Variants in EXOC2 observed in about 807,000 individuals in gnomAD.
The protein encoded by EXOC2 is exocyst complex component 2.
EXOC2 carries 70 observed loss-of-function variants against 131.8 expected under a neutral mutation model. The ratio of observed to expected loss-of-function variants is 0.53; its 90% CI spans 0.44 to 0.65. EXOC2 has a LOEUF of 0.65. Ranked by LOEUF, EXOC2 falls within the 30% of genes least tolerant of loss-of-function variation. The pLI is 0.00. For missense variants in EXOC2, 923 were observed against 1,108.6 expected (o/e 0.83, Z 2.38); for synonymous variants, 411 against 398.4 (o/e 1.03, Z -0.38).
intron 13 of EXOC2, among the ~76,000 whole-genome samples, chr6:569,761 TATAAAC>T (rs1758166086): frequency 6.6e-6 from 1 of 152,228 alleles, no homozygotes; most frequent in South Asian, 2.1e-4. Context: ...CTTTTAAGTT[TATAAAC>T]ATAGACAGGT....
In EXOC2 at chr6:535,857, G is replaced by A. The variant is rs184387386; in HGVS notation, c.2239-3247C>T. Among the ~76,000 whole-genome samples the A allele has an allele frequency of 5.3e-5, 8 of 152,148 alleles. No homozygotes were observed. The East Asian group carries it at 5.8e-4, about 11-fold the overall frequency. On this transcript the variant is annotated intron_variant, in intron 22 of 27. Transcript: ENST00000230449. ...AGATATTGTAAGAAAAAAATCACAC[G>A]CCAATAGCCTTCATGAACAAAGACA...
chr6:578,462 C>G (rs1758706585), intron 11 of EXOC2, among the ~76,000 whole-genome samples: 1 of 152,074 alleles, frequency 6.6e-6, no homozygotes, highest in Non-Finnish European at 1.5e-5. Context: ...AAACGCTAAG[C>G]AGAGGAGGTA....
chr6:651,333 G>A (rs1409460461), intron 1 of EXOC2, among the ~76,000 whole-genome samples: 4 of 151,864 alleles, frequency 2.6e-5, no homozygotes, highest in Admixed American at 1.3e-4. Flanking sequence ...GCGCCCGGCC[G>A]TGTTCTCCAT....
chr6:652,879 CATCAAGCAAGCCT>C (rs1213656576), intron 1 of EXOC2, among the ~76,000 whole-genome samples: 1 of 152,198 alleles, frequency 6.6e-6, no homozygotes, highest in African/African-American at 2.4e-5. Flanking sequence ...GACAACCCTG[CATCAAGCAAGCCT>C]ATCAGTGCCA....
At chr6:512,857 T>C (rs2127507233) in intron 23 of EXOC2, among the ~76,000 whole-genome samples, 1 of 152,274 alleles carries the variant, frequency 6.6e-6, no homozygotes, top group South Asian at 2.1e-4. Context: ...ACACGGTTGG[T>C]GTGAAGATAA....
At chr6:526,628 T>C (rs1166142435) in intron 23 of EXOC2, among the ~76,000 whole-genome samples, 1 of 151,678 alleles carries the variant, frequency 6.6e-6, no homozygotes, top group Non-Finnish European at 1.5e-5. Context: ...TTAGTAGAGA[T>C]GGGGTTTCTC....
chr6:600,170 T>C (rs955486050), intron 7 of EXOC2, among the ~76,000 whole-genome samples: 3 of 152,244 alleles, frequency 2.0e-5, no homozygotes, highest in African/African-American at 4.8e-5. Context: ...CTGATCCTGT[T>C]AAAAGTCATC....
At chr6:633,925 C>G (rs1761977777) in intron 2 of EXOC2, among the ~76,000 whole-genome samples, 1 of 152,176 alleles carries the variant, frequency 6.6e-6, no homozygotes, top group Admixed American at 6.5e-5. Context: ...GGGGGAATAC[C>G]AGCATGGCAC....
Position 506,580 on chromosome 6 carries a change from C to T in EXOC2, c.2381-6880G>A, listed in dbSNP as rs1442489942. ...ATGAGAAACAGTTTCTAAGCATTTA[C>T]AACATGTATCTCCTCCACTGTCTGA... On this transcript the variant is annotated intron_variant, in intron 23 of 27. Coordinates refer to ENST00000230449, the MANE Select transcript of EXOC2 (RefSeq NM_018303.6). The surrounding 1 kb of genome is among the most constrained non-coding windows in gnomAD (Gnocchi z 4.4). Among the ~76,000 whole-genome samples, 1 of 152,202 alleles carries T rather than the reference C, an allele frequency of 6.6e-6. No homozygotes were observed. Among genetic ancestry groups the T allele is most frequent in the Non-Finnish European group, 1.5e-5 (1 of 68,042 alleles).
chr6:652,001 A>T (rs970682882), intron 1 of EXOC2, among the ~76,000 whole-genome samples: 6 of 151,560 alleles, frequency 4.0e-5, no homozygotes, highest in African/African-American at 1.5e-4. Flanking sequence ...GGTTGCAGTG[A>T]GCCAAGATTA....
At chr6:644,035 T>C (rs918101013) in intron 1 of EXOC2, among the ~76,000 whole-genome samples, 7 of 152,120 alleles carry the variant, frequency 4.6e-5, no homozygotes, top group African/African-American at 1.4e-4. Context: ...TTATCAAAAC[T>C]TTCCTACAAA....
intron 10 of EXOC2, among the ~76,000 whole-genome samples, chr6:595,817 G>A (rs1392337397): frequency 1.3e-5 from 2 of 152,084 alleles, no homozygotes; most frequent in Non-Finnish European, 2.9e-5. Context: ...TGGACACTAC[G>A]CTCAACCTCC....
intron 1 of EXOC2, chr6:679,405 C>T (rs1764297444): frequency 6.6e-6 from 1 of 152,140 alleles, no homozygotes; most frequent in Non-Finnish European, 1.5e-5. Flanking sequence ...CCACCGCTGG[C>T]CTATTAACAA....
At chr6:500,778 T>A (rs886798831) in intron 23 of EXOC2, among the ~76,000 whole-genome samples, 18 of 152,248 alleles carry the variant, frequency 1.2e-4, no homozygotes, top group Admixed American at 7.2e-4. Context: ...AAAGCATGGA[T>A]GTTCCCAGTA....
chr6:604,224 G>A (rs1000936194), intron 7 of EXOC2, among the ~76,000 whole-genome samples: 4 of 152,092 alleles, frequency 2.6e-5, no homozygotes, highest in African/African-American at 9.7e-5. Flanking sequence ...TGCGCCAAAC[G>A]TGCTCCTTCA....
At chr6:626,721 A>G (rs911093874) in intron 4 of EXOC2, among the ~76,000 whole-genome samples, 1 of 151,956 alleles carries the variant, frequency 6.6e-6, no homozygotes, top group Non-Finnish European at 1.5e-5. Flanking sequence ...CCTCCCAAGT[A>G]GCTGAGATTA....
chr6:486,012 G>T lies in EXOC2; in HGVS notation c.*659C>A, dbSNP rs181923644. The T allele has an allele frequency of 1.3e-5, 2 of 152,348 alleles. No individual in the cohort carries two copies. The highest frequency in any genetic ancestry group is 3.9e-4 in the East Asian group (2 of 5,194). 9.4% of individuals were successfully genotyped at this position (152,348 alleles called of 1,614,324 possible). On this transcript the variant is annotated 3_prime_UTR_variant, in exon 28 of 28. Transcript: ENST00000230449. ...CGCACGACAAATTAAGAGTGAGTGAGAATGAAAGCTCATGCTTAGCCCTGT... is the reference window on the plus strand; with the variant it reads ...CGCACGACAAATTAAGAGTGAGTGATAATGAAAGCTCATGCTTAGCCCTGT...
intron 5 of EXOC2, among the ~76,000 whole-genome samples, chr6:618,958 T>C (rs1179506852): frequency 1.3e-5 from 2 of 152,226 alleles, no homozygotes; most frequent in Non-Finnish European, 2.9e-5. Flanking sequence ...AACCTTCAAA[T>C]TGGATATATG....
At chr6:672,783 G>T (rs1763930470) in intron 1 of EXOC2, among the ~76,000 whole-genome samples, 2 of 152,156 alleles carry the variant, frequency 1.3e-5, no homozygotes, top group Non-Finnish European at 2.9e-5. Context: ...TTATTGTGAG[G>T]ATTCGAGTGG....
Sources: gnomAD v4.1 joint callset for allele counts (sites outside exome capture counted in the v4.1 genomes callset) on GRCh38, gnomAD v4.1.1 for gene constraint, Gnocchi (gnomAD v3.1) non-coding constraint, MANE v1.5 for transcripts, NCBI Gene and HGNC (gene_info 2026-07-23, HGNC 2026-07-21) for gene names.